The following SPATA16 variants were observed in gnomAD, a reference collection of about 807,000 sequenced individuals.
SPATA16 encodes spermatogenesis associated 16, also known as spermatogenesis-associated protein 16.
In SPATA16, 36 loss-of-function variants were observed where a neutral mutation model predicts 63.3. The ratio of observed to expected loss-of-function variants is 0.57; its 90% confidence interval spans 0.44 to 0.75. The LOEUF (loss-of-function observed/expected upper bound fraction) is 0.75. Ranked by LOEUF, SPATA16 falls within the 30% of genes least tolerant of loss-of-function variation. The pLI is 0.00. For missense variants in SPATA16, 646 were observed against 679.3 expected, an observed-to-expected ratio of 0.95 and a Z score of 0.54; for synonymous variants, 203 against 216.7, an observed-to-expected ratio of 0.94 and a Z score of 0.56.
chr3:173,112,428 C>G (rs1426143632), intron 2 of SPATA16, among the ~76,000 whole-genome samples: 1 of 152,190 alleles, frequency 6.6e-6, no homozygotes, highest in Non-Finnish European at 1.5e-5. Context: ...AACCAACTCA[C>G]ACTTAGAGTA....
Position 172,960,921 on chromosome 3 carries a change from C to T in SPATA16, c.934-4097G>A, listed in dbSNP as rs139963155. On this transcript the variant is annotated intron_variant, in intron 5 of 10. Transcript: ENST00000351008. ...TCCTTCCTTCCTCCCTCCCTCCCTT[C>T]CTTCCTTCCTTCTCTTTCTCTCTTC... Among the ~76,000 whole-genome samples, 1,464 of 147,720 alleles carry T rather than the reference C, an allele frequency of 9.9e-3. 16 individuals carry two copies. The highest frequency in any genetic ancestry group is 0.035 in the Middle Eastern group (10 of 286).
At chr3:173,054,564 C>A (rs1736173275) in intron 2 of SPATA16, among the ~76,000 whole-genome samples, 1 of 152,022 alleles carries the variant, frequency 6.6e-6, no homozygotes, top group Non-Finnish European at 1.5e-5. Context: ...TATTCTCACT[C>A]ATAAATGGGA....
intron 6 of SPATA16, among the ~76,000 whole-genome samples, chr3:172,955,489 C>T (rs991137873): frequency 6.6e-6 from 1 of 151,960 alleles, no homozygotes; most frequent in African/African-American, 2.4e-5. Context: ...TTATGAAATG[C>T]TCAAACTAAG....
At chr3:172,952,273 C>T (rs1254592600) in intron 6 of SPATA16, among the ~76,000 whole-genome samples, 1 of 152,094 alleles carries the variant, frequency 6.6e-6, no homozygotes, top group Admixed American at 6.6e-5. Context: ...TAGGAAGCTG[C>T]CTACTTGTTA....
chr3:173,081,503 C>T (rs1035314510), intron 2 of SPATA16, among the ~76,000 whole-genome samples: 4 of 152,100 alleles, frequency 2.6e-5, no homozygotes, highest in Non-Finnish European at 4.4e-5. Context: ...ATGAACAAAA[C>T]TGAGACTTCC....
chr3:173,088,077 TCTG>T lies in SPATA16; in HGVS notation c.612+29040_612+29042del, dbSNP rs527265574. Among the ~76,000 whole-genome samples the T allele has an allele frequency of 2.1e-3, 241 of 115,946 alleles. 1 individual carries two copies. Among genetic ancestry groups the T allele is most frequent in the Middle Eastern group, 4.3e-3 (1 of 230 alleles). 76.1% of individuals were successfully genotyped at this position (115,946 alleles called of 152,430 possible). A position where few individuals can be genotyped will look rare whatever the true frequency, so the allele number is the denominator to read the frequency against. ...TTCTTTCTTTCTTTCTTTCTTTCTT[TCTG>T]TCTTTTCTTTTTTTTTTTTTTTTGA... On this transcript the variant is annotated intron_variant, in intron 2 of 10. Coordinates refer to ENST00000351008, the MANE Select transcript of SPATA16 (RefSeq NM_031955.6).
intron 2 of SPATA16, among the ~76,000 whole-genome samples, chr3:173,052,443 T>G (rs1183622275): frequency 1.3e-5 from 2 of 152,228 alleles, no homozygotes; most frequent in Non-Finnish European, 2.9e-5. Flanking sequence ...TTTGTTGAAT[T>G]CTTGCTTTAC....
intron 3 of SPATA16, among the ~76,000 whole-genome samples, chr3:173,021,435 A>G (rs1439596016): frequency 1.3e-5 from 2 of 152,194 alleles, no homozygotes; most frequent in Admixed American, 1.3e-4. Context: ...TCAAGAACAC[A>G]GATCGTTTGC....
intron 2 of SPATA16, among the ~76,000 whole-genome samples, chr3:173,085,102 T>C (rs536259380): frequency 6.6e-6 from 1 of 152,338 alleles, no homozygotes; most frequent in Non-Finnish European, 1.5e-5. Context: ...ATAAATTACT[T>C]TGGGCAGTAT....
At chr3:173,096,873 A>G (rs184896726) in intron 2 of SPATA16, among the ~76,000 whole-genome samples, 7 of 152,266 alleles carry the variant, frequency 4.6e-5, no homozygotes, top group Admixed American at 2.6e-4. Context: ...ATATTATACA[A>G]TCATAAAAAG....
At chr3:173,078,022 ATATTT>A (rs1458984223) in intron 2 of SPATA16, among the ~76,000 whole-genome samples, 1 of 152,198 alleles carries the variant, frequency 6.6e-6, no homozygotes, top group East Asian at 1.9e-4. Context: ...AATATAAACA[ATATTT>A]TATAGTAATG....
chr3:173,080,391 T>G (rs1363080201), intron 2 of SPATA16, among the ~76,000 whole-genome samples: 1 of 151,984 alleles, frequency 6.6e-6, no homozygotes, highest in East Asian at 1.9e-4. Context: ...CCCTTAGAGG[T>G]GGAGAAACCA....
rs11926761 is a variant in SPATA16 at position 172,956,619 on chromosome 3, G to A, written c.1081+58C>T. On this transcript the variant is annotated intron_variant, in intron 6 of 10. Coordinates refer to ENST00000351008, the MANE Select transcript of SPATA16 (RefSeq NM_031955.6). The stretch of plus-strand genomic sequence containing the variant: ...AAACTAATAAACCAGAAAGAACCCT[G>A]TATTTGTTTTATTTGAAACAAAATA... 7.6e-3 allele frequency: 11,812 copies of A among 1,560,752 alleles called. 786 individuals are homozygous for A. The African/African-American group carries it at 0.14, about 19-fold the overall frequency.
chr3:173,137,601 G>A (rs986408977), intron 1 of SPATA16, among the ~76,000 whole-genome samples: 1 of 152,088 alleles, frequency 6.6e-6, no homozygotes, highest in Non-Finnish European at 1.5e-5. Flanking sequence ...TGTATTTCAA[G>A]TCTTTTCTTT....
intron 4 of SPATA16, among the ~76,000 whole-genome samples, chr3:173,016,051 G>A (rs547578492): frequency 3.6e-4 from 55 of 152,254 alleles, no homozygotes; most frequent in African/African-American, 1.2e-3. Context: ...TCTTGGTAAC[G>A]GGGGTTAGAG....
chr3:173,012,514 C>T (rs888970935), intron 4 of SPATA16, among the ~76,000 whole-genome samples: 1 of 152,152 alleles, frequency 6.6e-6, no homozygotes, highest in Non-Finnish European at 1.5e-5. Flanking sequence ...ATCACATTAC[C>T]TGACTTCAGA....
At chr3:173,026,478 C>T (rs932800617) in intron 3 of SPATA16, among the ~76,000 whole-genome samples, 7 of 151,644 alleles carry the variant, frequency 4.6e-5, no homozygotes, top group Non-Finnish European at 1.0e-4. Context: ...ATAGTTTATA[C>T]CTTTAAAATA....
At chr3:172,998,040 A>G (rs559124917) in intron 4 of SPATA16, among the ~76,000 whole-genome samples, 2 of 151,966 alleles carry the variant, frequency 1.3e-5, no homozygotes, top group Non-Finnish European at 1.5e-5. Context: ...ACCTCTCTAT[A>G]TATATTTTAG....
At chr3:172,909,750 A>C (rs190565072) in intron 10 of SPATA16, among the ~76,000 whole-genome samples, 15 of 152,328 alleles carry the variant, frequency 9.8e-5, no homozygotes, top group African/African-American at 3.6e-4. Flanking sequence ...CTGTGAGATA[A>C]TTTTGAATTG....
Sources: allele counts gnomAD v4.1 joint callset (sites outside exome capture counted in the v4.1 genomes callset), GRCh38; gene constraint gnomAD v4.1.1; transcripts MANE v1.5; gene names NCBI Gene and HGNC (gene_info 2026-07-23, HGNC 2026-07-21).